Variants in TCERG1L observed in about 807,000 individuals in gnomAD.
TCERG1L encodes the protein transcription elongation regulator 1 like, also known as transcription elongation regulator 1-like protein.
In TCERG1L, 37 loss-of-function variants were observed where a neutral mutation model predicts 56.3. The observed-to-expected ratio is 0.66, with a 90% CI of 0.51 to 0.87. The LOEUF is 0.87. Ranked by LOEUF, TCERG1L falls within the 40% of genes least tolerant of loss-of-function variation. The pLI is 0.00. For missense variants in TCERG1L, 799 were observed against 774.2 expected, an observed-to-expected ratio of 1.03 and a Z score of -0.38; for synonymous variants, 324 against 326.3, an observed-to-expected ratio of 0.99 and a Z score of 0.08.
In TCERG1L at chr10:131,104,272, C is replaced by A; in HGVS notation, c.1478G>T (p.Arg493Leu). 1 of 1,548,078 alleles carries A rather than the reference C, an allele frequency of 6.5e-7. No individual in the cohort carries two copies. The highest frequency in any genetic ancestry group is 8.7e-7 in the Non-Finnish European group (1 of 1,143,946). The change falls in exon 10 of 12, where the codon CGA (arginine) becomes CTA (leucine). Residue 493 changes from arginine to leucine, a missense_variant. Transcript: ENST00000368642. ...GCCTTCCCACCCAGTTACCTGCTTT[C>A]GTTCCTCAGAGTTGAGCAGGAGATA... ...PRYLLLNSEE[R>L]KQIFEQFVKT...
rs1049255163 is a variant in TCERG1L, at chr10:131,141,890, CAG to C, written c.1189+4614_1189+4615del. Among the ~76,000 whole-genome samples the C allele has an allele frequency of 3.7e-4, 57 of 152,156 alleles. 1 individual carries two copies. The highest frequency in any genetic ancestry group is 1.2e-3 in the African/African-American group (51 of 41,450). Reference sequence around the variant, plus strand: ...CAGCAAGCTGAGGGGTGAGTGTGATCAGAGTGTCCTAGAGACTCTCCCAGCTC... The same window carrying C: ...CAGCAAGCTGAGGGGTGAGTGTGATCAGTGTCCTAGAGACTCTCCCAGCTC... On this transcript the variant is annotated intron_variant, in intron 7 of 11. Transcript: ENST00000368642.
At chr10:131,126,076 CTTGG>C (rs944940162) in intron 8 of TCERG1L, among the ~76,000 whole-genome samples, 4 of 152,218 alleles carry the variant, frequency 2.6e-5, no homozygotes, top group Non-Finnish European at 5.9e-5. Context: ...GCCTTTCCGG[CTTGG>C]TCAGCTCCTG....
chr10:131,309,368 T>A, intron 1 of TCERG1L, 69 bp from the exon 2 acceptor site: 1 of 1,535,584 alleles, frequency 6.5e-7, no homozygotes, highest in South Asian at 1.2e-5. Flanking sequence ...TGCCAAAACA[T>A]GCTGGAATAA....
At chr10:131,134,332 A>G in intron 8 of TCERG1L, 47 bp downstream of exon 8, 1 of 1,506,742 alleles carries the variant, frequency 6.6e-7, no homozygotes, top group Non-Finnish European at 9.1e-7. Context: ...ACACCACCTG[A>G]GTACACAGTA....
At chr10:131,307,822 C>A (rs576775895) in intron 3 of TCERG1L, among the ~76,000 whole-genome samples, 19 of 152,304 alleles carry the variant, frequency 1.2e-4, no homozygotes, top group African/African-American at 4.6e-4. Flanking sequence ...CTGCGTCCTA[C>A]AGACCAGCAA....
At chr10:131,195,664 G>A (rs1001014727) in intron 4 of TCERG1L, among the ~76,000 whole-genome samples, 2 of 152,218 alleles carry the variant, frequency 1.3e-5, no homozygotes, top group African/African-American at 2.4e-5. Context: ...GCTCAGGGCT[G>A]TGGTCCTGGC....
intron 3 of TCERG1L, among the ~76,000 whole-genome samples, chr10:131,278,354 T>C (rs1238583089): frequency 6.7e-6 from 1 of 149,532 alleles, no homozygotes; most frequent in Non-Finnish European, 1.5e-5. Flanking sequence ...TTTTTTTTTT[T>C]TGAGACAGAG....
rs779719098 is a variant in TCERG1L, at chr10:131,093,332, A to T, written c.1605-14T>A. ...TTAAACGTGGTCCTGAAAAAGAAAG[A>T]GTTTCCTGAGACACCTTCCAGAGAG... On this transcript the variant is annotated splice_polypyrimidine_tract_variant and intron_variant, in intron 11 of 11. Coordinates refer to ENST00000368642, the MANE Select transcript of TCERG1L (RefSeq NM_174937.4). 37 of 1,607,702 alleles carry T rather than the reference A, an allele frequency of 2.3e-5. No homozygotes were observed. Among genetic ancestry groups the T allele is most frequent in the Non-Finnish European group, 2.8e-5 (33 of 1,176,996 alleles).
At position 131,162,735 on chromosome 10, in the gene TCERG1L, C is replaced by T. The variant is rs556860073; in HGVS notation, c.1034+387G>A. 86 of 163,966 alleles carry T rather than the reference C, an allele frequency of 5.2e-4. 1 individual carries two copies. The highest frequency in any genetic ancestry group is 1.3e-3 in the African/African-American group (53 of 42,098). 10.2% of individuals were successfully genotyped at this position (163,966 alleles called of 1,614,324 possible). On this transcript the variant is annotated intron_variant, in intron 6 of 11. Transcript: ENST00000368642. Reference sequence around the variant, plus strand: ...TCCGAGAGCAAGCAGCCACGCAGGGCGACAGAGAGAACAGGCACGTCTTTA... The same window carrying T: ...TCCGAGAGCAAGCAGCCACGCAGGGTGACAGAGAGAACAGGCACGTCTTTA...
intron 7 of TCERG1L, among the ~76,000 whole-genome samples, chr10:131,141,047 C>T (rs1043439279): frequency 1.3e-5 from 2 of 152,176 alleles, no homozygotes; most frequent in African/African-American, 4.8e-5. Context: ...AGAGCCGCAG[C>T]AGAGCTGCAA....
At chr10:131,135,697 C>T (rs569879860) in intron 7 of TCERG1L, among the ~76,000 whole-genome samples, 6 of 152,330 alleles carry the variant, frequency 3.9e-5, no homozygotes, top group South Asian at 4.1e-4. Context: ...CCCCTGCCCA[C>T]GAGCCACAGG....
Position 131,311,348 on chromosome 10 carries a change from C to T in TCERG1L, c.288G>A (p.Ala96=), listed in dbSNP as rs928487817. The change falls in exon 1 of 12, where the codon GCG becomes GCA. Residue 96 remains alanine (A), a synonymous_variant. Transcript: ENST00000368642. This position sits in a 1 kb window ranked among gnomAD's most constrained non-coding sequence, Gnocchi z 4.0. ...PVLPLLPLPS[A]PDSAAAAAAH... is the part of the protein sequence containing the mutation. ...CGGCGGCGGCGGCGGCGGAGTCTGG[C>T]GCAGAGGGCAGCGGCAGCAGCGGGA... 1.7e-6 allele frequency: 2 copies of T among 1,202,448 alleles called. No individual in the cohort carries two copies. The highest frequency in any genetic ancestry group is 2.1e-6 in the Non-Finnish European group (2 of 970,754). 74.5% of individuals were successfully genotyped at this position (1,202,448 alleles called of 1,614,324 possible).
At chr10:131,164,906 C>G (rs1021520972) in intron 5 of TCERG1L, among the ~76,000 whole-genome samples, 4 of 152,276 alleles carry the variant, frequency 2.6e-5, no homozygotes, top group Admixed American at 2.6e-4. Context: ...GCACAGGAGG[C>G]TGGGGATGCT....
At chr10:131,252,337 C>A (rs977019190) in intron 4 of TCERG1L, among the ~76,000 whole-genome samples, 1 of 152,124 alleles carries the variant, frequency 6.6e-6, no homozygotes, top group Non-Finnish European at 1.5e-5. Flanking sequence ...TCTGAAGCAC[C>A]AATGTTGCTT....
intron 4 of TCERG1L, among the ~76,000 whole-genome samples, chr10:131,247,595 A>G (rs953313466): frequency 6.6e-6 from 1 of 152,194 alleles, no homozygotes; most frequent in Non-Finnish European, 1.5e-5. Context: ...GACAAGATAG[A>G]ACACATGTGG....
At chr10:131,268,568 ATCT>A (rs149128409) in intron 3 of TCERG1L, among the ~76,000 whole-genome samples, 3,070 of 152,334 alleles carry the variant, frequency 0.02, 75 homozygotes, top group East Asian at 0.077. Context: ...CCTAGACGGC[ATCT>A]TCTTCCAATA....
rs116348269 is a variant in TCERG1L, at chr10:131,276,631, A to G, written c.671-16187T>C. On this transcript the variant is annotated intron_variant, in intron 3 of 11. Coordinates refer to ENST00000368642, the MANE Select transcript of TCERG1L (RefSeq NM_174937.4). ...ATCAGCCAGCTGACAATTTTCAGGG[A>G]TTCTCCTGCTTTGCTGAGTCTATCT... Among the ~76,000 whole-genome samples, 999 of 152,326 alleles carry G rather than the reference A, an allele frequency of 6.6e-3. 9 individuals are homozygous for G. Among genetic ancestry groups the G allele is most frequent in the African/African-American group, 0.023 (941 of 41,564 alleles).
intron 4 of TCERG1L, among the ~76,000 whole-genome samples, chr10:131,236,275 C>T (rs754449443): frequency 4.6e-5 from 7 of 152,212 alleles, no homozygotes; most frequent in Admixed American, 2.0e-4. Context: ...CCATCAAAAC[C>T]ACACAATTGT....
intron 4 of TCERG1L, among the ~76,000 whole-genome samples, chr10:131,195,181 A>G (rs1027539064): frequency 3.3e-5 from 5 of 152,230 alleles, no homozygotes; most frequent in Non-Finnish European, 5.9e-5. Flanking sequence ...GAAATGGAGC[A>G]TGACATGAGA....
Sources: gnomAD v4.1 joint callset for allele counts (sites outside exome capture counted in the v4.1 genomes callset) on GRCh38, gnomAD v4.1.1 for gene constraint, Gnocchi (gnomAD v3.1) non-coding constraint, MANE v1.5 for transcripts, NCBI Gene and HGNC (gene_info 2026-07-23, HGNC 2026-07-21) for gene names.